CRPPA: variants seen among roughly 807,000 people sequenced by gnomAD.
CRPPA encodes CDP-L-ribitol pyrophosphorylase A.
CRPPA carries 43 observed loss-of-function variants against 52.0 expected under a neutral mutation model. The ratio of observed to expected loss-of-function variants is 0.83; its 90% CI spans 0.65 to 1.07. The LOEUF is 1.07. Among genes scored for constraint, CRPPA ranks in the 50% least tolerant of loss-of-function variants. The pLI is 0.00. For missense variants in CRPPA, 629 were observed against 551.7 expected (o/e 1.14, Z -1.40); for synonymous variants, 250 against 203.5 (o/e 1.23, Z -1.94).
intron 9 of CRPPA, among the ~76,000 whole-genome samples, chr7:16,196,096 T>C: frequency 6.6e-6 from 1 of 151,220 alleles, no homozygotes; most frequent in South Asian, 2.1e-4. Context: ...TATATGTGTA[T>C]ATACAAACAT....
chr7:16,324,960 G>C (rs777086067), intron 3 of CRPPA, among the ~76,000 whole-genome samples: 10 of 152,174 alleles, frequency 6.6e-5, no homozygotes, highest in Non-Finnish European at 1.3e-4. Context: ...TGCTAAGGAT[G>C]GTGCAGCCTT....
intron 1 of CRPPA, among the ~76,000 whole-genome samples, chr7:16,408,559 A>G (rs1788008487): frequency 6.6e-6 from 1 of 152,218 alleles, no homozygotes; most frequent in African/African-American, 2.4e-5. Context: ...GCAGCCATAG[A>G]AAAGCTTTAA....
intron 9 of CRPPA, among the ~76,000 whole-genome samples, chr7:16,095,340 T>C (rs1461674016): frequency 6.6e-6 from 1 of 152,210 alleles, no homozygotes; most frequent in Non-Finnish European, 1.5e-5. Flanking sequence ...TAAGTGATCT[T>C]TGAGCAAACA....
At chr7:16,362,815 T>A (rs56091963) in intron 3 of CRPPA, among the ~76,000 whole-genome samples, 2 of 152,038 alleles carry the variant, frequency 1.3e-5, no homozygotes, top group African/African-American at 4.8e-5. Flanking sequence ...ACTCGAGATA[T>A]ATTTATTTTA....
intron 3 of CRPPA, among the ~76,000 whole-genome samples, chr7:16,365,523 G>T (rs904942882): frequency 1.3e-5 from 2 of 152,092 alleles, no homozygotes; most frequent in Non-Finnish European, 2.9e-5. Context: ...AGTGAATAAT[G>T]AACCCAGAAA....
chr7:16,142,521 T>C (rs1782892980), intron 9 of CRPPA, among the ~76,000 whole-genome samples: 1 of 152,204 alleles, frequency 6.6e-6, no homozygotes, highest in South Asian at 2.1e-4. Flanking sequence ...CTGATAAAAC[T>C]TTTAGATGTT....
chr7:16,270,482 A>T (rs1784066169), intron 6 of CRPPA: 1 of 152,174 alleles, frequency 6.6e-6, no homozygotes, highest in Non-Finnish European at 1.5e-5. Flanking sequence ...ATTTAATACA[A>T]CATCAATATA....
chr7:16,303,630 G>A (rs1283932587), intron 4 of CRPPA, among the ~76,000 whole-genome samples: 1 of 151,826 alleles, frequency 6.6e-6, no homozygotes, highest in Non-Finnish European at 1.5e-5. Context: ...TGTTTATTAG[G>A]TATAGATTTT....
intron 2 of CRPPA, among the ~76,000 whole-genome samples, chr7:16,391,205 A>T (rs1040805036): frequency 1.3e-5 from 2 of 152,128 alleles, no homozygotes; most frequent in Non-Finnish European, 1.5e-5. Context: ...GTTCCTACAG[A>T]CGGCCATCTA....
intron 4 of CRPPA, among the ~76,000 whole-genome samples, chr7:16,308,114 A>G (rs1157009698): frequency 1.3e-5 from 2 of 152,086 alleles, no homozygotes; most frequent in Admixed American, 1.3e-4. Flanking sequence ...GCTTTCTGCC[A>G]TAATTGGAAG....
Position 16,347,107 on chromosome 7 carries a change from C to T in CRPPA, c.684+28985G>A, listed in dbSNP as rs114100407. ...ATACTAGATGCTTTACATAGGTTAG[C>T]TCATCCAAACTTTCCACCAAACTCA... On this transcript the variant is annotated intron_variant, in intron 3 of 9. Transcript: ENST00000407010. Among the ~76,000 whole-genome samples the T allele has an allele frequency of 3.7e-3, 556 of 152,102 alleles. 2 individuals are homozygous for T. The highest frequency in any genetic ancestry group is 0.013 in the African/African-American group (523 of 41,516).
intron 3 of CRPPA, among the ~76,000 whole-genome samples, chr7:16,314,534 A>G (rs974126236): frequency 6.6e-6 from 1 of 152,008 alleles, no homozygotes; most frequent in African/African-American, 2.4e-5. Flanking sequence ...CTTTATGTAG[A>G]TCCATGTTTC....
chr7:16,262,553 T>A (rs975543833), intron 6 of CRPPA, among the ~76,000 whole-genome samples: 6 of 152,226 alleles, frequency 3.9e-5, no homozygotes, highest in Admixed American at 2.6e-4. Context: ...CCAGGTTTAC[T>A]TCTTATGTGC....
chr7:16,205,510 C>G (rs1918260), intron 9 of CRPPA, among the ~76,000 whole-genome samples: 3 of 151,892 alleles, frequency 2.0e-5, no homozygotes, highest in African/African-American at 7.2e-5. Context: ...AAATACGATA[C>G]CTTCATTATT....
intron 8 of CRPPA, among the ~76,000 whole-genome samples, chr7:16,253,586 T>C (rs1015556747): frequency 1.3e-5 from 2 of 152,146 alleles, no homozygotes; most frequent in Admixed American, 6.6e-5. Context: ...ATTCTGTTGA[T>C]TTGGGGTGGA....
intron 3 of CRPPA, among the ~76,000 whole-genome samples, chr7:16,362,389 A>G (rs1786477401): frequency 6.6e-6 from 1 of 152,196 alleles, no homozygotes; most frequent in African/African-American, 2.4e-5. Flanking sequence ...CTCACATGGC[A>G]GAAGAGGTAG....
intron 2 of CRPPA, among the ~76,000 whole-genome samples, chr7:16,392,184 G>C (rs972461183): frequency 1.1e-4 from 17 of 152,090 alleles, no homozygotes; most frequent in Admixed American, 1.1e-3. Context: ...TATTTTATGA[G>C]GAAAGCCCCC....
chr7:16,322,448 G>C (rs1193836503), intron 3 of CRPPA, among the ~76,000 whole-genome samples: 4 of 152,098 alleles, frequency 2.6e-5, no homozygotes, highest in African/African-American at 9.7e-5. Context: ...AAAGGAATTT[G>C]AGCCCAGAAT....
At chr7:16,355,572 C>T (rs979969272) in intron 3 of CRPPA, among the ~76,000 whole-genome samples, 2 of 152,148 alleles carry the variant, frequency 1.3e-5, no homozygotes, top group African/African-American at 4.8e-5. Context: ...TTCTCAAAGT[C>T]AGAGTTAGAA....
Sources: allele counts gnomAD v4.1 joint callset (sites outside exome capture counted in the v4.1 genomes callset), GRCh38; gene constraint gnomAD v4.1.1; transcripts MANE v1.5; gene names NCBI Gene and HGNC (gene_info 2026-07-23, HGNC 2026-07-21).